The following PDE4C variants were observed in gnomAD, a reference collection of about 807,000 sequenced individuals.
PDE4C encodes the protein phosphodiesterase 4C.
Under a neutral mutation model 63.9 loss-of-function variants are expected in PDE4C, and 50 were observed. That is an observed-to-expected ratio of 0.78 (90% CI 0.62 to 0.99). PDE4C has a LOEUF of 0.99. Among genes scored for constraint, PDE4C ranks in the 50% least tolerant of loss-of-function variants. The probability of loss-of-function intolerance (pLI) is 0.00; values close to 1 mark genes in which losing one functional copy is unlikely to be tolerated. For missense variants in PDE4C, 777 were observed against 899.1 expected, an observed-to-expected ratio of 0.86 and a Z score of 1.74; for synonymous variants, 377 against 385.1, an observed-to-expected ratio of 0.98 and a Z score of 0.25.
At chr19:18,221,322 A>G (rs1968475828) in intron 2 of PDE4C, 25 bp from the exon 3 acceptor site, 4 of 1,538,248 alleles carry the variant, frequency 2.6e-6, no homozygotes, top group Non-Finnish European at 2.6e-6. Context: ...GCCATCAGGG[A>G]GAGCTCTCTC....
intron 4 of PDE4C, 69 bp downstream of exon 4, chr19:18,221,036 T>A: frequency 1.0e-6 from 1 of 990,900 alleles, no homozygotes; most frequent in Non-Finnish European, 1.4e-6. Flanking sequence ...CAGCCTCAAT[T>A]TGCAGCCCGC....
chr19:18,243,693 G>A (rs1257335063), intron 1 of PDE4C, among the ~76,000 whole-genome samples: 1 of 152,164 alleles, frequency 6.6e-6, no homozygotes, highest in African/African-American at 2.4e-5. Flanking sequence ...GGTCAGATGC[G>A]GGGGTGCTCC....
upstream of PDE4C, among the ~76,000 whole-genome samples, chr19:18,228,581 G>A (rs1444069223): frequency 6.6e-6 from 1 of 152,160 alleles, no homozygotes; most frequent in Non-Finnish European, 1.5e-5. Context: ...GTAGTCCCAG[G>A]GGCGAGTCTC....
upstream of PDE4C, among the ~76,000 whole-genome samples, chr19:18,231,448 G>C (rs974731857): frequency 6.6e-6 from 1 of 152,172 alleles, no homozygotes; most frequent in Admixed American, 6.5e-5. Context: ...CTAGAAGCCG[G>C]GGCGGGAGAA....
At chr19:18,226,583 A>G, upstream of PDE4C, 4 of 380,762 alleles carry the variant, frequency 1.1e-5, no homozygotes, top group South Asian at 6.9e-5. Context: ...TGAGGCACAG[A>G]GTCAGACGCA....
In PDE4C at chr19:18,240,493, C is replaced by T. The variant is rs377028326; in HGVS notation, c.-209-7093G>A. 1.7e-4 allele frequency among the ~76,000 whole-genome samples: 26 copies of T among 151,172 alleles called. No individual in the cohort carries two copies. In the East Asian group the frequency reaches 3.5e-3, roughly 20 times the overall value. On this transcript the variant is annotated intron_variant, in intron 1 of 15. Coordinates refer to the PDE4C transcript ENST00000594617. ...CTATAATCCCAGCACTTTGGGAAGC[C>T]GAGGTGGATGGATCACAAGATCAAG...
At chr19:18,215,254 A>G (rs961448716) in intron 12 of PDE4C, among the ~76,000 whole-genome samples, 7 of 152,036 alleles carry the variant, frequency 4.6e-5, no homozygotes, top group African/African-American at 7.2e-5. Context: ...CCTGGCTTCA[A>G]TGTTCCCTCT....
At chr19:18,252,241 G>C (rs143384441), upstream of PDE4C, 157 of 399,156 alleles carry the variant, frequency 3.9e-4, no homozygotes, top group African/African-American at 2.5e-3. Flanking sequence ...GTCTCTGGTT[G>C]TGGGGAGGAG....
At position 18,213,501 on chromosome 19, in the gene PDE4C, G is replaced by C. The variant is rs775200233; in HGVS notation, c.1390-11C>G. 1.2e-6 allele frequency: 2 copies of C among 1,608,692 alleles called. No individual in the cohort carries two copies. Among genetic ancestry groups the C allele is most frequent in the African/African-American group, 2.7e-5 (2 of 74,728 alleles). ...GTCTGTGGCCAGCACCTGGGGGCAGGCAAGGGAAGGTGACAGGCGCGAGGA... is the reference window on the plus strand; with the variant it reads ...GTCTGTGGCCAGCACCTGGGGGCAGCCAAGGGAAGGTGACAGGCGCGAGGA... On this transcript the variant is annotated splice_polypyrimidine_tract_variant and intron_variant, in intron 12 of 14. Transcript: ENST00000262805.
exon 1 of PDE4C, chr19:18,233,224 G>A (rs551874552): frequency 3.2e-6 from 5 of 1,549,114 alleles, no homozygotes; most frequent in East Asian, 2.4e-5. Context: ...ATAGCAGGGA[G>A]CAGGACTCGT....
chr19:18,224,576 GT>G (rs995135612), intron 1 of PDE4C: 2 of 902,548 alleles, frequency 2.2e-6, no homozygotes, highest in African/African-American at 3.6e-5. Context: ...CTTCGGATAA[GT>G]TCGAGCTTGT....
At chr19:18,238,538 G>A (rs1033276195), upstream of PDE4C, among the ~76,000 whole-genome samples, 1 of 151,798 alleles carries the variant, frequency 6.6e-6, no homozygotes, top group South Asian at 2.1e-4. Context: ...GCGCCCGGCC[G>A]AGACCCTGTC....
At chr19:18,216,990 A>C in intron 11 of PDE4C, 95 bp from the exon 12 acceptor site, 18 of 1,393,078 alleles carry the variant, frequency 1.3e-5, no homozygotes, top group East Asian at 2.4e-5. Flanking sequence ...ACTCCTACCC[A>C]TGCGTTGAAG....
upstream of PDE4C, among the ~76,000 whole-genome samples, chr19:18,251,787 T>A (rs1969233575): frequency 6.7e-6 from 1 of 149,188 alleles, no homozygotes; most frequent in Admixed American, 6.9e-5. Flanking sequence ...AAAGTCCTGC[T>A]ATTTTGCCCA....
exon 15 of PDE4C, chr19:18,211,046 CTCT>C (rs774318712): frequency 6.2e-7 from 1 of 1,614,258 alleles, no homozygotes. Flanking sequence ...CTTCCCCCTC[CTCT>C]TCTTCCTCCT....
chr19:18,227,522 G>T (rs1222246707), upstream of PDE4C, among the ~76,000 whole-genome samples: 1 of 152,190 alleles, frequency 6.6e-6, no homozygotes, highest in African/African-American at 2.4e-5. Context: ...ACTGGGGGGG[G>T]CCTCTGGTGT....
exon 15 of PDE4C, chr19:18,210,845 T>C: frequency 1.3e-6 from 2 of 1,510,478 alleles, no homozygotes; most frequent in Non-Finnish European, 1.8e-6. Flanking sequence ...AGGAGCCACA[T>C]GGAGCCTCTT....
At chr19:18,221,018 C>T (rs1968451241) in intron 4 of PDE4C, 87 bp downstream of exon 4, 8 of 1,356,920 alleles carry the variant, frequency 5.9e-6, no homozygotes, top group Non-Finnish European at 8.0e-6. Context: ...CTGGAGGCGC[C>T]GGAGCCCCAG....
At chr19:18,229,640 A>AT (rs1464317299), upstream of PDE4C, among the ~76,000 whole-genome samples, 11 of 151,992 alleles carry the variant, frequency 7.2e-5, no homozygotes, top group Non-Finnish European at 1.2e-4. Context: ...CCCCAGAGAG[A>AT]TTTTTTTAAA....
Sources: allele counts gnomAD v4.1 joint callset (sites outside exome capture counted in the v4.1 genomes callset), GRCh38; gene constraint gnomAD v4.1.1; transcripts MANE v1.5; gene names NCBI Gene and HGNC (gene_info 2026-07-23, HGNC 2026-07-21).